STARD8: variants seen among roughly 807,000 people sequenced by gnomAD.
STARD8 encodes stAR-related lipid transfer protein 8.
Under a neutral mutation model 69.4 loss-of-function variants are expected in STARD8, and 25 were observed. The observed-to-expected ratio is 0.36, with a 90% CI of 0.26 to 0.50. The LOEUF (loss-of-function observed/expected upper bound fraction) is 0.50, where lower values mean the gene tolerates loss of function less well. Ranked by LOEUF, STARD8 falls within the 20% of genes least tolerant of loss-of-function variation. STARD8 has a pLI of 0.96. For missense variants in STARD8, 921 were observed against 932.5 expected, an observed-to-expected ratio of 0.99 and a Z score of 0.16; for synonymous variants, 389 against 374.6, an observed-to-expected ratio of 1.04 and a Z score of -0.45.
rs1569350778 is a variant in STARD8, at chrX:68,652,880, C to CACACACACACCACACCA, written c.45+4953_45+4954insACACACACACCACACCA. Among the ~76,000 whole-genome samples, 43 of 55,121 alleles carry CACACACACACCACACCA rather than the reference C, an allele frequency of 7.8e-4. 1 individual carries two copies. Among genetic ancestry groups the CACACACACACCACACCA allele is most frequent in the African/African-American group, 2.9e-3 (39 of 13,679 alleles). 47.9% of individuals were successfully genotyped at this position (55,121 alleles called of 115,157 possible). A position where few individuals can be genotyped will look rare whatever the true frequency, so the allele number is the denominator to read the frequency against. On this transcript the variant is annotated intron_variant, in intron 1 of 14. Coordinates refer to ENST00000374599, the MANE Select transcript of STARD8 (RefSeq NM_001142503.3). ...CACCACACACACACACACCCACACC[C>CACACACACACCACACCA]CACACACACACACCACACCACACAC...
intron 2 of STARD8, among the ~76,000 whole-genome samples, chrX:68,677,213 C>T (rs868281353): frequency 4.5e-5 from 5 of 111,443 alleles, no homozygotes; most frequent in Middle Eastern, 4.7e-3. Context: ...AGATTTAAGT[C>T]TCAGCTCTCT....
chrX:68,708,755 G>A (rs1356185981), intron 2 of STARD8, among the ~76,000 whole-genome samples: 2 of 112,571 alleles, frequency 1.8e-5, no homozygotes, highest in African/African-American at 6.5e-5. Flanking sequence ...TGCACTGCCT[G>A]CAGAATATAG....
In STARD8 at chrX:68,647,886, C is replaced by A; in HGVS notation, c.4C>A (p.Pro2Thr). Reference protein sequence around the residue: MPLLDVFWSCFR... With the variant: MTLLDVFWSCFR... ...TAGAAGCTCCCCACGCGCCACCATG[C>A]CTCTGCTGGACGTTTTCTGGTCTTG... Residue 2 changes from proline (P) to threonine (T), a missense_variant, in exon 1 of 15, where the codon CCT becomes ACT. Transcript: ENST00000374599. 1 of 1,199,833 alleles carries A rather than the reference C, an allele frequency of 8.3e-7. No homozygotes were observed.
chrX:68,679,291 G>A (rs2079785864), intron 2 of STARD8, among the ~76,000 whole-genome samples: 1 of 111,463 alleles, frequency 9.0e-6, no homozygotes, highest in Admixed American at 9.5e-5. Flanking sequence ...AGGTGGGGTA[G>A]GGGTGGGACT....
chrX:68,720,341 T>C lies in STARD8; in HGVS notation c.1967T>C (p.Ile656Thr). Reference sequence around the variant, plus strand: ...CACGTATTTGGGGTGCCACCCCTCATCCACGTGCAGCGCACGGGCCAGCCA... The same window carrying C: ...CACGTATTTGGGGTGCCACCCCTCACCCACGTGCAGCGCACGGGCCAGCCA... ...GQHVFGVPPLIHVQRTGQPLP... is the reference protein window; with the variant it reads ...GQHVFGVPPLTHVQRTGQPLP... The change falls in exon 8 of 15, where the codon ATC becomes ACC. Residue 656 changes from isoleucine to threonine, a missense_variant. Transcript: ENST00000374599. 1 of 1,205,808 alleles carries C rather than the reference T, an allele frequency of 8.3e-7. No homozygotes were observed. The highest frequency in any genetic ancestry group is 1.1e-6 in the Non-Finnish European group (1 of 892,524).
rs1188849354 is a variant in STARD8, at chrX:68,659,186, C to T, written c.46-6313C>T. On this transcript the variant is annotated intron_variant, in intron 1 of 14. Transcript: ENST00000374599. ...TGTGATGATGACCTATGTGAAAAGG[C>T]CTGCCACACAATGGGTGCTCAGTAA... 3.6e-5 allele frequency among the ~76,000 whole-genome samples: 4 copies of T among 112,032 alleles called. No individual in the cohort carries two copies. The Admixed American group carries it at 3.8e-4, about 11-fold the overall frequency.
intron 2 of STARD8, among the ~76,000 whole-genome samples, chrX:68,680,229 G>C (rs982405414): frequency 8.9e-6 from 1 of 111,966 alleles, no homozygotes; most frequent in African/African-American, 3.3e-5. Flanking sequence ...GCCGAGCAGG[G>C]GAGGGGCAAA....
intron 2 of STARD8, among the ~76,000 whole-genome samples, chrX:68,673,382 T>C (rs2079742159): frequency 8.9e-6 from 1 of 112,228 alleles, no homozygotes; most frequent in Non-Finnish European, 1.9e-5. Context: ...GCTTTGTCAG[T>C]CCCCAAATAT....
rs760809657 is a variant in STARD8 at position 68,722,076 on chromosome X, G to A, written c.2489G>A (p.Arg830Lys). 1 of 1,203,832 alleles carries A rather than the reference G, an allele frequency of 8.3e-7. No individual in the cohort carries two copies. The highest frequency in any genetic ancestry group is 1.8e-5 in the South Asian group (1 of 56,555). ...RIKSKRSLIG[R>K]PGPRDLSDNM... ...AAGAGCAAACGCAGCCTCATTGGCAGGCCAGGCCCTAGGGACCTGAGTGAC... is the reference window on the plus strand; with the variant it reads ...AAGAGCAAACGCAGCCTCATTGGCAAGCCAGGCCCTAGGGACCTGAGTGAC... Residue 830 changes from arginine (R) to lysine (K), a missense_variant, in exon 11 of 15, where the codon AGG becomes AAG. Transcript: ENST00000374599.
At chrX:68,700,029 C>T (rs182842848) in intron 2 of STARD8, among the ~76,000 whole-genome samples, 17 of 111,227 alleles carry the variant, frequency 1.5e-4, no homozygotes, top group African/African-American at 5.2e-4. Context: ...TGCTTTCCTG[C>T]CACTCGGTTT....
chrX:68,663,724 C>T (rs1332126510), intron 1 of STARD8, among the ~76,000 whole-genome samples: 1 of 111,693 alleles, frequency 9.0e-6, no homozygotes, highest in Admixed American at 9.5e-5. Context: ...CATCCTTTCT[C>T]ATTCTTCTTT....
chrX:68,661,117 GA>G (rs1418104476), intron 1 of STARD8, among the ~76,000 whole-genome samples: 1 of 111,331 alleles, frequency 9.0e-6, no homozygotes, highest in Non-Finnish European at 1.9e-5. Context: ...GCAAGGCAAG[GA>G]AAAAAAGTCT....
In STARD8 at chrX:68,721,663, G is replaced by A. The variant is rs369582740; in HGVS notation, c.2376G>A (p.Gln792=). 1.6e-6 allele frequency: 2 copies of A among 1,212,305 alleles called. No homozygotes were observed. Among genetic ancestry groups the A allele is most frequent in the Middle Eastern group, 2.3e-4 (1 of 4,356 alleles). ...LSDIASAEEN[Q]MTAGNLAVCL... The stretch of plus-strand genomic sequence containing the variant: ...ACATTGCCTCTGCCGAGGAAAACCA[G>A]ATGACAGCAGGCAACCTGGCAGTGT... The change falls in exon 10 of 15, where the codon CAG becomes CAA. Residue 792 remains glutamine (Q), a synonymous_variant. Coordinates refer to ENST00000374599, the MANE Select transcript of STARD8 (RefSeq NM_001142503.3).
At chrX:68,720,229 C>A (rs771330399) in intron 7 of STARD8, 35 bp from the exon 8 acceptor site, 2 of 1,160,844 alleles carry the variant, frequency 1.7e-6, no homozygotes, top group African/African-American at 1.8e-5. Context: ...AAACTGTGTT[C>A]CCCCTATCTG....
intron 2 of STARD8, among the ~76,000 whole-genome samples, chrX:68,694,646 A>G (rs1162606737): frequency 9.0e-6 from 1 of 111,223 alleles, no homozygotes; most frequent in Non-Finnish European, 1.9e-5. Context: ...GCTTGATTTC[A>G]GTATCTAAAG....
chrX:68,679,214 G>T (rs1301987740), intron 2 of STARD8, among the ~76,000 whole-genome samples: 1 of 111,405 alleles, frequency 9.0e-6, no homozygotes, highest in East Asian at 2.8e-4. Flanking sequence ...CCCCAAAATT[G>T]AATCCTATGT....
chrX:68,686,379 C>G (rs1481914795), intron 2 of STARD8, among the ~76,000 whole-genome samples: 1 of 112,965 alleles, frequency 8.9e-6, no homozygotes, highest in Non-Finnish European at 1.9e-5. Flanking sequence ...CGCCAGCACT[C>G]CGGCTCGCCA....
chrX:68,719,818 C>T (rs1264976573), intron 7 of STARD8, among the ~76,000 whole-genome samples: 4 of 111,969 alleles, frequency 3.6e-5, no homozygotes, highest in East Asian at 2.8e-4. Flanking sequence ...CTTCCGTGAA[C>T]GTGCTATGAT....
intron 2 of STARD8, among the ~76,000 whole-genome samples, chrX:68,684,139 A>T (rs934793844): frequency 1.8e-5 from 2 of 112,691 alleles, no homozygotes; most frequent in Admixed American, 9.3e-5. Context: ...ATTGTCAGCT[A>T]TGTGTCATAT....
Sources: gnomAD v4.1 joint callset for allele counts (sites outside exome capture counted in the v4.1 genomes callset) on GRCh38, gnomAD v4.1.1 for gene constraint, MANE v1.5 for transcripts, NCBI Gene and HGNC (gene_info 2026-07-23, HGNC 2026-07-21) for gene names.